NSMCE2: variants seen among roughly 807,000 people sequenced by gnomAD.
The protein encoded by NSMCE2 is NSE2 SUMO ligase component of SMC5/6 complex, also known as E3 SUMO-protein ligase NSE2.
Under a neutral mutation model 23.8 loss-of-function variants are expected in NSMCE2, and 24 were observed. The ratio of observed to expected loss-of-function variants is 1.01; its 90% CI spans 0.73 to 1.42. The LOEUF (loss-of-function observed/expected upper bound fraction) is 1.42, where lower values mean the gene tolerates loss of function less well. NSMCE2 is among the 40% of genes most tolerant of loss of function. The pLI, the probability that NSMCE2 is intolerant of heterozygous loss-of-function variation, is 0.00. For missense variants in NSMCE2, 284 were observed against 296.5 expected (o/e 0.96, Z 0.31); for synonymous variants, 92 against 94.1 (o/e 0.98, Z 0.13).
chr8:125,128,051 A>G (rs532674524), intron 3 of NSMCE2, among the ~76,000 whole-genome samples: 1 of 152,326 alleles, frequency 6.6e-6, no homozygotes, highest in South Asian at 2.1e-4. Context: ...CCTTTATTAG[A>G]AATACAGCAT....
chr8:125,366,981 C>T lies in NSMCE2; in HGVS notation c.*96C>T. On this transcript the variant is annotated 3_prime_UTR_variant, in exon 8 of 8. Coordinates refer to ENST00000287437, the MANE Select transcript of NSMCE2 (RefSeq NM_173685.4). ...GACCCCAGCAGTTAGGGACTGGCTG[C>T]ATAGCATACTTGTTGGGGGTAAAAC... 1.4e-6 allele frequency: 1 copy of T among 692,922 alleles called. No homozygotes were observed. Among genetic ancestry groups the T allele is most frequent in the Non-Finnish European group, 2.6e-6 (1 of 383,608 alleles). The allele number at this position is 692,922 out of a possible 1,614,324, so 42.9% of individuals were successfully genotyped here.
intron 5 of NSMCE2, among the ~76,000 whole-genome samples, chr8:125,239,253 T>C (rs1825670905): frequency 6.6e-6 from 1 of 152,122 alleles, no homozygotes; most frequent in African/African-American, 2.4e-5. Flanking sequence ...GAGAAGAAAC[T>C]CACAGTATTT....
intron 5 of NSMCE2, among the ~76,000 whole-genome samples, chr8:125,236,127 A>C (rs573208314): frequency 6.6e-6 from 1 of 152,344 alleles, no homozygotes; most frequent in South Asian, 2.1e-4. Flanking sequence ...GCAAGTGAAA[A>C]TTCAGAAAGA....
Position 125,324,802 on chromosome 8 carries a change from C to T in NSMCE2, c.419-32417C>T, listed in dbSNP as rs1271534081. Among the ~76,000 whole-genome samples, 10 of 66,960 alleles carry T rather than the reference C, an allele frequency of 1.5e-4. 4 individuals are homozygous for T. Among genetic ancestry groups the T allele is most frequent in the Non-Finnish European group, 4.4e-4 (10 of 22,704 alleles). The allele number at this position is 66,960 out of a possible 152,430, so 43.9% of individuals were successfully genotyped here. Reference sequence around the variant, plus strand: ...TGTTAGACAGGATGGTCTCGATCTCCTGACCTCGTGATCCGCCCGCCTCGG... The same window carrying T: ...TGTTAGACAGGATGGTCTCGATCTCTTGACCTCGTGATCCGCCCGCCTCGG... On this transcript the variant is annotated intron_variant, in intron 5 of 7. Coordinates refer to ENST00000287437, the MANE Select transcript of NSMCE2 (RefSeq NM_173685.4).
intron 5 of NSMCE2, among the ~76,000 whole-genome samples, chr8:125,188,170 G>A (rs996028260): frequency 1.3e-5 from 2 of 152,172 alleles, no homozygotes; most frequent in Admixed American, 6.5e-5. Flanking sequence ...ATTCTCTGAA[G>A]GATACTATTA....
intron 3 of NSMCE2, among the ~76,000 whole-genome samples, chr8:125,118,303 G>A (rs979798503): frequency 6.6e-6 from 1 of 152,122 alleles, no homozygotes; most frequent in East Asian, 1.9e-4. Context: ...ACTTGAACCT[G>A]CCAGGAGGCA....
intron 1 of NSMCE2, 135 bp from the exon 2 acceptor site, chr8:125,101,916 A>G (rs1284657102): frequency 1.3e-5 from 2 of 155,096 alleles, no homozygotes; most frequent in Non-Finnish European, 2.9e-5. Context: ...CAGGTTTTCA[A>G]AATAGTTTAC....
intron 3 of NSMCE2, among the ~76,000 whole-genome samples, chr8:125,140,165 C>A (rs932782999): frequency 6.6e-6 from 1 of 152,164 alleles, no homozygotes; most frequent in African/African-American, 2.4e-5. Flanking sequence ...TAGTCATATG[C>A]TTTATTAATT....
intron 4 of NSMCE2, among the ~76,000 whole-genome samples, chr8:125,161,460 G>A (rs973874174): frequency 6.6e-5 from 10 of 152,018 alleles, no homozygotes; most frequent in African/African-American, 2.4e-4. Flanking sequence ...ATCTTCTTGT[G>A]GAAGCTGATA....
intron 5 of NSMCE2, among the ~76,000 whole-genome samples, chr8:125,199,127 T>C (rs548141793): frequency 1.3e-5 from 2 of 152,196 alleles, no homozygotes; most frequent in African/African-American, 4.8e-5. Flanking sequence ...TGTTGATCTT[T>C]TCAAAAAACC....
intron 5 of NSMCE2, among the ~76,000 whole-genome samples, chr8:125,213,000 GTAA>G (rs989254263): frequency 2.6e-5 from 4 of 151,968 alleles, no homozygotes; most frequent in African/African-American, 9.7e-5. Context: ...AAATCAATAT[GTAA>G]TAATATTTTC....
At chr8:125,349,010 AAC>A (rs35429077) in intron 5 of NSMCE2, 37,591 of 128,664 alleles carry the variant, frequency 0.29, 5,388 homozygotes, top group Admixed American at 0.38. Context: ...CTCAAAGCAA[AAC>A]ACACACACAC....
chr8:125,160,236 A>G (rs1456338967), intron 4 of NSMCE2, among the ~76,000 whole-genome samples: 1 of 152,204 alleles, frequency 6.6e-6, no homozygotes, highest in Non-Finnish European at 1.5e-5. Context: ...GATGAAAGTG[A>G]TAGCATGAAA....
At chr8:125,125,923 T>C (rs1412638676) in intron 3 of NSMCE2, among the ~76,000 whole-genome samples, 1 of 152,188 alleles carries the variant, frequency 6.6e-6, no homozygotes, top group African/African-American at 2.4e-5. Context: ...GCTGAGGAAC[T>C]TGGGGGCTAA....
At chr8:125,243,138 AT>A (rs1488207767) in intron 5 of NSMCE2, among the ~76,000 whole-genome samples, 1 of 152,200 alleles carries the variant, frequency 6.6e-6, no homozygotes, top group Non-Finnish European at 1.5e-5. Context: ...CTGAAAATGT[AT>A]GATGCAGTTG....
chr8:125,232,400 G>A (rs1825362818), intron 5 of NSMCE2, among the ~76,000 whole-genome samples: 1 of 151,970 alleles, frequency 6.6e-6, no homozygotes, highest in Non-Finnish European at 1.5e-5. Flanking sequence ...CTTTCTGTAA[G>A]CACTGTGCAC....
chr8:125,225,346 CT>C (rs1401008564), intron 5 of NSMCE2, among the ~76,000 whole-genome samples: 30 of 152,212 alleles, frequency 2.0e-4, no homozygotes, highest in African/African-American at 6.8e-4. Context: ...CTAACAACCT[CT>C]TTCTGTCCTT....
chr8:125,356,607 G>A (rs1175934089), intron 5 of NSMCE2, among the ~76,000 whole-genome samples: 6 of 152,086 alleles, frequency 3.9e-5, no homozygotes, highest in Middle Eastern at 3.2e-3. Flanking sequence ...GATTAAAGGC[G>A]TGAGCCACCG....
At chr8:125,276,557 A>G (rs1488780012) in intron 5 of NSMCE2, among the ~76,000 whole-genome samples, 1 of 151,470 alleles carries the variant, frequency 6.6e-6, no homozygotes, top group Admixed American at 6.6e-5. Context: ...TAAACTTCAT[A>G]AAGGCAGACG....
Sources: gnomAD v4.1 joint callset for allele counts (sites outside exome capture counted in the v4.1 genomes callset) on GRCh38, gnomAD v4.1.1 for gene constraint, MANE v1.5 for transcripts, NCBI Gene and HGNC (gene_info 2026-07-23, HGNC 2026-07-21) for gene names.